The following SPAG16 variants were observed in gnomAD, a reference collection of about 807,000 sequenced individuals.
SPAG16 encodes sperm-associated antigen 16 protein.
Under a neutral mutation model 80.4 loss-of-function variants are expected in SPAG16, and 86 were observed. The observed-to-expected ratio is 1.07, with a 90% CI of 0.90 to 1.28. SPAG16 has a LOEUF of 1.28. SPAG16 is among the 50% of genes most tolerant of loss of function. The pLI is 0.00. For synonymous variants in SPAG16, 294 were observed against 265.9 expected (o/e 1.11, Z -1.03); for missense variants, 870 against 765.3 (o/e 1.14, Z -1.61).
At chr2:213,407,037 G>C (rs2068648034) in intron 9 of SPAG16, among the ~76,000 whole-genome samples, 1 of 152,130 alleles carries the variant, frequency 6.6e-6, no homozygotes, top group Non-Finnish European at 1.5e-5. Context: ...GACCAAGGAA[G>C]GAGAAGCCGC....
intron 9 of SPAG16, among the ~76,000 whole-genome samples, chr2:213,486,143 C>G (rs1028359756): frequency 1.3e-5 from 2 of 152,112 alleles, no homozygotes; most frequent in Non-Finnish European, 2.9e-5. Context: ...AGTCACCCTA[C>G]TGATCTACAG....
At chr2:213,872,293 T>G (rs1047364064) in intron 11 of SPAG16, among the ~76,000 whole-genome samples, 3 of 152,028 alleles carry the variant, frequency 2.0e-5, no homozygotes, top group Non-Finnish European at 4.4e-5. Flanking sequence ...TGAAACTTAT[T>G]TTGTACTTAT....
chr2:214,312,894 T>C (rs1695434326), intron 15 of SPAG16, among the ~76,000 whole-genome samples: 1 of 152,118 alleles, frequency 6.6e-6, no homozygotes. Flanking sequence ...CTCATTTCTA[T>C]TGAGAGAGAT....
chr2:213,876,325 A>T (rs993444525), intron 11 of SPAG16, among the ~76,000 whole-genome samples: 2 of 149,824 alleles, frequency 1.3e-5, no homozygotes, highest in African/African-American at 4.9e-5. Context: ...AAAAAAGAAG[A>T]AGAAAAGAAA....
intron 9 of SPAG16, among the ~76,000 whole-genome samples, chr2:213,476,121 A>T (rs1024455322): frequency 6.6e-6 from 1 of 152,266 alleles, no homozygotes; most frequent in African/African-American, 2.4e-5. Context: ...CCAAGTATTC[A>T]TTCTACCCAC....
chr2:213,829,267 T>C (rs532148037), intron 10 of SPAG16, among the ~76,000 whole-genome samples: 8 of 152,212 alleles, frequency 5.3e-5, no homozygotes, highest in South Asian at 2.1e-4. Context: ...TGAGCTGGTG[T>C]CATCCACCAC....
chr2:214,036,996 A>T (rs1396796742), intron 13 of SPAG16, among the ~76,000 whole-genome samples: 1 of 152,018 alleles, frequency 6.6e-6, no homozygotes, highest in Non-Finnish European at 1.5e-5. Context: ...TCTAAAAGTG[A>T]GATCTATATT....
intron 15 of SPAG16, among the ~76,000 whole-genome samples, chr2:214,177,506 C>A (rs1254886236): frequency 2.0e-5 from 3 of 151,058 alleles, no homozygotes; most frequent in Admixed American, 6.6e-5. Context: ...CTGATTCATT[C>A]TTTAATATTC....
At chr2:214,147,671 C>T (rs148508998) in intron 14 of SPAG16, among the ~76,000 whole-genome samples, 2 of 152,120 alleles carry the variant, frequency 1.3e-5, no homozygotes, top group Non-Finnish European at 2.9e-5. Context: ...TCTTATAATA[C>T]ATGTTTACAT....
intron 10 of SPAG16, among the ~76,000 whole-genome samples, chr2:213,700,254 C>A (rs2065347759): frequency 6.6e-6 from 1 of 151,510 alleles, no homozygotes; most frequent in South Asian, 2.1e-4. Flanking sequence ...AATTTGGTTT[C>A]TATTTAAGAA....
At chr2:214,139,033 A>G (rs901937869) in intron 14 of SPAG16, among the ~76,000 whole-genome samples, 1 of 152,170 alleles carries the variant, frequency 6.6e-6, no homozygotes, top group Non-Finnish European at 1.5e-5. Flanking sequence ...ATTTCACTCA[A>G]CTATAGTCCT....
In SPAG16 at chr2:214,358,298, A is replaced by G. The variant is rs149839613; in HGVS notation, c.1721-51842A>G. On this transcript the variant is annotated intron_variant, in intron 15 of 15. Transcript: ENST00000331683. ...TTTCTTTCCCCAGATCACTTGATCC[A>G]TTAAAGTACACGGTTTTCTAGGTCA... Among the ~76,000 whole-genome samples, 57 of 152,040 alleles carry G rather than the reference A, an allele frequency of 3.7e-4. No individual in the cohort carries two copies. In the South Asian group the frequency reaches 0.011, roughly 29 times the overall value.
At chr2:213,638,299 G>C (rs568855144) in intron 10 of SPAG16, among the ~76,000 whole-genome samples, 1 of 152,018 alleles carries the variant, frequency 6.6e-6, no homozygotes, top group South Asian at 2.1e-4. Flanking sequence ...GGTTTGGTTT[G>C]TTCTTGTTTC....
At chr2:213,329,244 G>A (rs1308361210) in intron 5 of SPAG16, among the ~76,000 whole-genome samples, 1 of 152,230 alleles carries the variant, frequency 6.6e-6, no homozygotes, top group Non-Finnish European at 1.5e-5. Context: ...GTAACAGGCA[G>A]AGGTTGGAAC....
intron 15 of SPAG16, among the ~76,000 whole-genome samples, chr2:214,272,597 C>T (rs888144679): frequency 3.9e-5 from 6 of 152,176 alleles, no homozygotes; most frequent in African/African-American, 1.4e-4. Flanking sequence ...CAGCTTCATC[C>T]ATGTCCCTGC....
At position 213,595,607 on chromosome 2, in the gene SPAG16, C is replaced by T. The variant is rs567127157; in HGVS notation, c.1070+105517C>T. On this transcript the variant is annotated intron_variant, in intron 10 of 15. Coordinates refer to ENST00000331683, the MANE Select transcript of SPAG16 (RefSeq NM_024532.5). ...CTGTTACAAAACATAAATATCTTTG[C>T]GTACCACCTATAATGTCATAAAACC... Among the ~76,000 whole-genome samples the T allele has an allele frequency of 5.4e-4, 82 of 152,098 alleles. 1 individual carries two copies. Among genetic ancestry groups the T allele is most frequent in the Admixed American group, 4.6e-4 (7 of 15,286 alleles).
chr2:214,365,668 A>C (rs1021286554), intron 15 of SPAG16, among the ~76,000 whole-genome samples: 1 of 152,152 alleles, frequency 6.6e-6, no homozygotes, highest in African/African-American at 2.4e-5. Context: ...ACTGATGCTC[A>C]TTTCCTATAC....
At chr2:213,358,456 C>A (rs987319134) in intron 7 of SPAG16, among the ~76,000 whole-genome samples, 13 of 152,144 alleles carry the variant, frequency 8.5e-5, no homozygotes, top group Admixed American at 6.5e-5. Flanking sequence ...TTGTTCATTT[C>A]TTTTTACTCT....
chr2:214,326,712 G>A (rs554662752), intron 15 of SPAG16, among the ~76,000 whole-genome samples: 6 of 152,154 alleles, frequency 3.9e-5, no homozygotes, highest in East Asian at 3.9e-4. Flanking sequence ...TTGGGAGGCC[G>A]AGGCAGGCGG....
Sources: allele counts gnomAD v4.1 joint callset (sites outside exome capture counted in the v4.1 genomes callset), GRCh38; gene constraint gnomAD v4.1.1; transcripts MANE v1.5; gene names NCBI Gene and HGNC (gene_info 2026-07-23, HGNC 2026-07-21).